AHCYL2: variants seen among roughly 807,000 people sequenced by gnomAD.
The protein encoded by AHCYL2 is S-adenosylhomocysteine hydrolase-like protein 2.
In AHCYL2, 28 loss-of-function variants were observed where a neutral mutation model predicts 81.4. The observed-to-expected ratio is 0.34, with a 90% CI of 0.25 to 0.47. The LOEUF (loss-of-function observed/expected upper bound fraction) is 0.47, where lower values mean the gene tolerates loss of function less well. Ranked by LOEUF, AHCYL2 falls within the 20% of genes least tolerant of loss-of-function variation. The pLI, the probability that AHCYL2 is intolerant of heterozygous loss-of-function variation, is 1.00. For synonymous variants in AHCYL2, 272 were observed against 290.2 expected (o/e 0.94, Z 0.64); for missense variants, 551 against 785.1 (o/e 0.70, Z 3.56).
chr7:129,243,122 G>A (rs545488290), intron 1 of AHCYL2, among the ~76,000 whole-genome samples: 2 of 148,920 alleles, frequency 1.3e-5, no homozygotes, highest in South Asian at 4.3e-4. Context: ...CCGAGTTCAA[G>A]CAATTCTCCT....
chr7:129,400,404 A>G lies in AHCYL2; in HGVS notation c.918+20A>G, dbSNP rs906495532. On this transcript the variant is annotated intron_variant, in intron 6 of 16. Coordinates refer to ENST00000325006, the MANE Select transcript of AHCYL2 (RefSeq NM_015328.4). ...AACATGGTGGGTCAGATTTCTGCTA[A>G]CACAATTCTGTAGGGGTCAGGAATG... 1 of 1,610,444 alleles carries G rather than the reference A, an allele frequency of 6.2e-7. No individual in the cohort carries two copies. Among genetic ancestry groups the G allele is most frequent in the Non-Finnish European group, 8.5e-7 (1 of 1,177,290 alleles).
At chr7:129,335,095 C>A (rs1798550608) in intron 1 of AHCYL2, among the ~76,000 whole-genome samples, 1 of 152,104 alleles carries the variant, frequency 6.6e-6, no homozygotes, top group South Asian at 2.1e-4. Flanking sequence ...AGAAGTAAAG[C>A]AGCAGGCCGG....
intron 12 of AHCYL2, among the ~76,000 whole-genome samples, chr7:129,421,244 T>G (rs1010005368): frequency 8.2e-6 from 1 of 121,318 alleles, no homozygotes; most frequent in Non-Finnish European, 1.8e-5. Flanking sequence ...AGAGTGAGAC[T>G]CCATCTCAAA....
At chr7:129,400,268 C>T in intron 5 of AHCYL2, 22 bp from the exon 6 acceptor site, 1 of 1,610,142 alleles carries the variant, frequency 6.2e-7, no homozygotes, top group African/African-American at 1.3e-5. Context: ...TAATGGTTTC[C>T]CTTTGTTCCT....
rs142289382 is a variant in AHCYL2 at position 129,264,634 on chromosome 7, T to A, written c.363+39195T>A. 2.2e-3 allele frequency among the ~76,000 whole-genome samples: 328 copies of A among 152,190 alleles called. 1 individual carries two copies. Among genetic ancestry groups the A allele is most frequent in the African/African-American group, 7.1e-3 (293 of 41,520 alleles). On this transcript the variant is annotated intron_variant, in intron 1 of 16. Coordinates refer to ENST00000325006, the MANE Select transcript of AHCYL2 (RefSeq NM_015328.4). Reference sequence around the variant, plus strand: ...ATTAGCCATTATGGAGATGGAACAGTTTCTAGTGGTGATAAGGTCTGGAGT... The same window carrying A: ...ATTAGCCATTATGGAGATGGAACAGATTCTAGTGGTGATAAGGTCTGGAGT...
At chr7:129,365,645 T>TATATATATATATATATATAG (rs1794086886) in intron 1 of AHCYL2, among the ~76,000 whole-genome samples, 1 of 149,068 alleles carries the variant, frequency 6.7e-6, no homozygotes, top group Non-Finnish European at 1.5e-5. Flanking sequence ...TATATATATA[T>TATATATATATATATATATAG]GGGTATGAAG....
intron 1 of AHCYL2, among the ~76,000 whole-genome samples, chr7:129,331,248 G>A (rs1196806097): frequency 6.6e-6 from 1 of 152,106 alleles, no homozygotes; most frequent in Non-Finnish European, 1.5e-5. Context: ...GTGCTTTTCT[G>A]GCGGGTACTT....
chr7:129,329,375 G>A (rs1798339690), intron 1 of AHCYL2, among the ~76,000 whole-genome samples: 1 of 151,688 alleles, frequency 6.6e-6, no homozygotes, highest in Non-Finnish European at 1.5e-5. Flanking sequence ...TACAAATAAG[G>A]TCTGCCTATG....
intron 1 of AHCYL2, among the ~76,000 whole-genome samples, chr7:129,298,089 AG>A (rs1308768104): frequency 2.6e-5 from 4 of 152,194 alleles, no homozygotes; most frequent in African/African-American, 9.7e-5. Flanking sequence ...AGATAGCTAG[AG>A]GGTAACTATA....
At chr7:129,360,262 A>G (rs1793885356) in intron 1 of AHCYL2, among the ~76,000 whole-genome samples, 1 of 151,962 alleles carries the variant, frequency 6.6e-6, no homozygotes, top group South Asian at 2.1e-4. Context: ...GATTACAGGC[A>G]TGTACCACCA....
At chr7:129,242,990 G>C (rs1273461044) in intron 1 of AHCYL2, among the ~76,000 whole-genome samples, 1 of 149,976 alleles carries the variant, frequency 6.7e-6, no homozygotes, top group Non-Finnish European at 1.5e-5. Flanking sequence ...GATCCCAGTG[G>C]CGTTTTCTTA....
chr7:129,281,338 G>T (rs553509099), intron 1 of AHCYL2, among the ~76,000 whole-genome samples: 7 of 152,036 alleles, frequency 4.6e-5, no homozygotes, highest in African/African-American at 1.4e-4. Flanking sequence ...TCTTTGCAAG[G>T]CTTTGGTATT....
At chr7:129,275,791 T>C (rs932820032) in intron 1 of AHCYL2, among the ~76,000 whole-genome samples, 3 of 152,060 alleles carry the variant, frequency 2.0e-5, no homozygotes, top group East Asian at 3.8e-4. Flanking sequence ...ATCTATAAAA[T>C]GGAAAAATTT....
At chr7:129,348,324 TGAG>T (rs1793433595) in intron 1 of AHCYL2, among the ~76,000 whole-genome samples, 1 of 151,998 alleles carries the variant, frequency 6.6e-6, no homozygotes. Flanking sequence ...AAGATAATGT[TGAG>T]GGGGAAAACT....
rs35753023 is a variant in AHCYL2 at position 129,277,278 on chromosome 7, C to CGTT, written c.363+51839_363+51840insGTT. On this transcript the variant is annotated intron_variant, in intron 1 of 16. Coordinates refer to ENST00000325006, the MANE Select transcript of AHCYL2 (RefSeq NM_015328.4). ...TATTTATTACCTCTAAAGTCTCTCT[C>CGTT]TTTTTTTTTTTTTTTTTTGAGATAG... Among the ~76,000 whole-genome samples the CGTT allele has an allele frequency of 4.2e-4, 57 of 135,778 alleles. 11 individuals are homozygous for CGTT. Among genetic ancestry groups the CGTT allele is most frequent in the East Asian group, 1.7e-3 (8 of 4,658 alleles). 89.1% of individuals were successfully genotyped at this position (135,778 alleles called of 152,430 possible). A position where few individuals can be genotyped will look rare whatever the true frequency, so the allele number is the denominator to read the frequency against.
At chr7:129,329,165 ACTG>A (rs1225883201) in intron 1 of AHCYL2, among the ~76,000 whole-genome samples, 1 of 152,110 alleles carries the variant, frequency 6.6e-6, no homozygotes, top group African/African-American at 2.4e-5. Flanking sequence ...TGGTCCTGGA[ACTG>A]CTATTAATGT....
intron 1 of AHCYL2, among the ~76,000 whole-genome samples, chr7:129,307,402 A>G (rs1310926701): frequency 1.3e-5 from 2 of 152,098 alleles, no homozygotes; most frequent in African/African-American, 4.8e-5. Flanking sequence ...CCACAGGCCT[A>G]TGAGTACCAG....
chr7:129,368,249 C>T lies in AHCYL2; in HGVS notation c.364-11389C>T. The T allele has an allele frequency of 7.2e-7, 1 of 1,386,432 alleles. No homozygotes were observed. Among genetic ancestry groups the T allele is most frequent in the Non-Finnish European group, 9.3e-7 (1 of 1,070,750 alleles). The allele number at this position is 1,386,432 out of a possible 1,614,324, so 85.9% of individuals were successfully genotyped here. A position where few individuals can be genotyped will look rare whatever the true frequency, so the allele number is the denominator to read the frequency against. ...AGTGCCTGGGTGCAGCACTTTGCAT[C>T]AGCTCTGATTTTGAAATCAGACACA... On this transcript the variant is annotated intron_variant, in intron 1 of 16. Coordinates refer to ENST00000325006, the MANE Select transcript of AHCYL2 (RefSeq NM_015328.4). This position sits in a 1 kb window ranked among gnomAD's most constrained non-coding sequence, Gnocchi z 4.4.
intron 12 of AHCYL2, among the ~76,000 whole-genome samples, chr7:129,421,438 G>A (rs765380414): frequency 2.6e-5 from 4 of 152,080 alleles, no homozygotes; most frequent in African/African-American, 4.8e-5. Flanking sequence ...AAATAAGCCT[G>A]GATTGAACAT....
Sources: gnomAD v4.1 joint callset for allele counts (sites outside exome capture counted in the v4.1 genomes callset) on GRCh38, gnomAD v4.1.1 for gene constraint, Gnocchi (gnomAD v3.1) non-coding constraint, MANE v1.5 for transcripts, NCBI Gene and HGNC (gene_info 2026-07-23, HGNC 2026-07-21) for gene names.